GPHN: variants seen among roughly 807,000 people sequenced by gnomAD.
GPHN encodes gephyrin.
GPHN carries 17 observed loss-of-function variants against 95.5 expected under a neutral mutation model. That is an observed-to-expected ratio of 0.18 (90% CI 0.12 to 0.27). The LOEUF (loss-of-function observed/expected upper bound fraction) is 0.27. GPHN is among the 10% of genes least tolerant of loss of function. The pLI is 1.00. For synonymous variants in GPHN, 320 were observed against 322.5 expected (o/e 0.99, Z 0.08); for missense variants, 660 against 978.1 (o/e 0.67, Z 4.34).
At chr14:66,990,955 A>G (rs2071379453) in intron 9 of GPHN, among the ~76,000 whole-genome samples, 1 of 151,958 alleles carries the variant, frequency 6.6e-6, no homozygotes, top group African/African-American at 2.4e-5. Flanking sequence ...TTAATGCTTG[A>G]ATTGGATGAT....
the GPHN span, among the ~76,000 whole-genome samples, chr14:67,225,581 C>T: frequency 2.0e-5 from 3 of 152,212 alleles, no homozygotes; most frequent in Non-Finnish European, 4.4e-5. Flanking sequence ...CTTTCCCAAC[C>T]TGCTTTTTAG....
At chr14:66,708,261 A>C (rs950646313) in intron 2 of GPHN, among the ~76,000 whole-genome samples, 3 of 152,062 alleles carry the variant, frequency 2.0e-5, no homozygotes, top group Non-Finnish European at 2.9e-5. Context: ...CCCTTTCGGC[A>C]TATCTTCTTA....
chr14:66,532,659 T>G (rs538018334), intron 1 of GPHN, among the ~76,000 whole-genome samples: 2 of 152,312 alleles, frequency 1.3e-5, no homozygotes, highest in East Asian at 3.9e-4. Flanking sequence ...GGAACAATTA[T>G]TATAAGAATA....
intron 8 of GPHN, among the ~76,000 whole-genome samples, chr14:66,958,773 T>G (rs2068700662): frequency 6.6e-6 from 1 of 152,200 alleles, no homozygotes. Context: ...TCTAGTTGGA[T>G]TATAGTATTT....
At chr14:66,886,390 A>G (rs72728697) in intron 5 of GPHN, among the ~76,000 whole-genome samples, 8,302 of 152,194 alleles carry the variant, frequency 0.055, 310 homozygotes, top group Non-Finnish European at 0.086. Context: ...CTTTTCCCCC[A>G]TGAGTGTGAA....
At chr14:66,880,105 C>T (rs2063859909) in intron 5 of GPHN, 72 bp downstream of exon 5, 3 of 939,876 alleles carry the variant, frequency 3.2e-6, no homozygotes, top group South Asian at 2.6e-5. Context: ...AAAAAATCTA[C>T]ACTTTGGCAT....
the GPHN span, chr14:67,335,223 G>A: frequency 6.6e-6 from 1 of 152,192 alleles, no homozygotes; most frequent in Non-Finnish European, 1.5e-5. Flanking sequence ...TCCTAGTGAT[G>A]AGGATGTGCT....
chr14:66,629,176 T>TTTATATACGTATATAAATATGTATATAA (rs2063665939), intron 1 of GPHN, among the ~76,000 whole-genome samples: 3 of 135,368 alleles, frequency 2.2e-5, no homozygotes, highest in Admixed American at 7.5e-5. Flanking sequence ...TAAATATATA[T>TTTATATACGTATATAAATATGTATATAA]ATACATATAT....
chr14:66,601,234 G>A (rs922841134), intron 1 of GPHN, among the ~76,000 whole-genome samples: 3 of 151,964 alleles, frequency 2.0e-5, no homozygotes, highest in African/African-American at 7.2e-5. Flanking sequence ...TAAATTTAAG[G>A]TAGTTTGAAA....
the GPHN span, among the ~76,000 whole-genome samples, chr14:67,477,253 A>G: frequency 2.6e-5 from 4 of 151,890 alleles, no homozygotes; most frequent in Non-Finnish European, 5.9e-5. Context: ...ATTCTTCATG[A>G]CCTTGCCCCG....
At chr14:66,899,716 T>C (rs998276158) in intron 5 of GPHN, among the ~76,000 whole-genome samples, 5 of 151,864 alleles carry the variant, frequency 3.3e-5, no homozygotes, top group Non-Finnish European at 7.4e-5. Flanking sequence ...GAGATACTGG[T>C]CTATATTTTT....
chr14:67,426,635 G>A, the GPHN span, among the ~76,000 whole-genome samples: 7 of 152,154 alleles, frequency 4.6e-5, no homozygotes, highest in African/African-American at 1.7e-4. Flanking sequence ...GAGTGTAATG[G>A]CGTGATCTTG....
the GPHN span, chr14:67,729,436 C>T: frequency 6.5e-7 from 1 of 1,532,980 alleles, no homozygotes; most frequent in Non-Finnish European, 8.9e-7. Flanking sequence ...AGGTGCCGGA[C>T]TCGCTGGGCT....
chr14:67,729,360 C>G, the GPHN span: 1 of 1,597,902 alleles, frequency 6.3e-7, no homozygotes. Flanking sequence ...GCCTGGAGCC[C>G]CTGAGTGGCA....
chr14:67,409,057 A>G, the GPHN span, among the ~76,000 whole-genome samples: 1 of 150,542 alleles, frequency 6.6e-6, no homozygotes, highest in Non-Finnish European at 1.5e-5. Context: ...GCTATAAAAA[A>G]AAAAAAAGAA....
intron 1 of GPHN, among the ~76,000 whole-genome samples, chr14:66,649,924 T>C (rs959595586): frequency 5.3e-5 from 8 of 152,142 alleles, no homozygotes; most frequent in African/African-American, 1.9e-4. Flanking sequence ...TTTACCACTT[T>C]CATCTGCTTC....
the GPHN span, chr14:67,200,021 A>G: frequency 3.1e-6 from 3 of 958,466 alleles, no homozygotes; most frequent in Non-Finnish European, 4.7e-6. Flanking sequence ...GGTTTAGGAC[A>G]TCCCCATTCT....
chr14:67,148,830 T>C (rs781161067), intron 18 of GPHN, among the ~76,000 whole-genome samples: 10 of 151,702 alleles, frequency 6.6e-5, no homozygotes, highest in Non-Finnish European at 1.2e-4. Flanking sequence ...CCTCCCAAAG[T>C]GCTGGGATTA....
At chr14:66,582,762 A>G (rs1360337529) in intron 1 of GPHN, among the ~76,000 whole-genome samples, 2 of 151,854 alleles carry the variant, frequency 1.3e-5, no homozygotes, top group South Asian at 2.1e-4. Flanking sequence ...TATGTGCCAC[A>G]TTTTCTTAAT....
Sources: allele counts gnomAD v4.1 joint callset (sites outside exome capture counted in the v4.1 genomes callset), GRCh38; gene constraint gnomAD v4.1.1; transcripts MANE v1.5; gene names NCBI Gene and HGNC (gene_info 2026-07-23, HGNC 2026-07-21).